Variants in FOXK2 observed in about 807,000 individuals in gnomAD.
FOXK2 encodes forkhead box protein K2.
In FOXK2, 24 loss-of-function variants were observed where a neutral mutation model predicts 53.3. The ratio of observed to expected loss-of-function variants is 0.45; its 90% CI spans 0.33 to 0.63. The LOEUF is 0.63. FOXK2 is among the 30% of genes least tolerant of loss of function. The pLI is 0.03. For missense variants in FOXK2, 952 were observed against 910.5 expected (o/e 1.05, Z -0.59); for synonymous variants, 505 against 407.1 (o/e 1.24, Z -2.89).
intron 1 of FOXK2, among the ~76,000 whole-genome samples, chr17:82,550,143 A>G (rs1198827558): frequency 6.6e-6 from 1 of 152,088 alleles, no homozygotes; most frequent in Non-Finnish European, 1.5e-5. Flanking sequence ...GTGAGCCATG[A>G]TTGTGCCACT....
intron 1 of FOXK2, among the ~76,000 whole-genome samples, chr17:82,542,694 G>T (rs1053642303): frequency 5.3e-5 from 8 of 152,076 alleles, no homozygotes; most frequent in Non-Finnish European, 1.0e-4. Flanking sequence ...GCAGAGTGCG[G>T]CCAAAGCAGT....
At chr17:82,525,129 C>T (rs1455854505) in intron 1 of FOXK2, among the ~76,000 whole-genome samples, 1 of 151,970 alleles carries the variant, frequency 6.6e-6, no homozygotes, top group Non-Finnish European at 1.5e-5. Flanking sequence ...ATGCCCGCCA[C>T]CATGCCCGGC....
Position 82,587,238 on chromosome 17 carries a change from A to G in FOXK2, c.1752A>G (p.Ser584=), listed in dbSNP as rs2045193854. 1 of 1,613,000 alleles carries G rather than the reference A, an allele frequency of 6.2e-7. No individual in the cohort carries two copies. The highest frequency in any genetic ancestry group is 1.3e-5 in the African/African-American group (1 of 74,950). The change falls in exon 8 of 9, where the codon TCA becomes TCG. Residue 584 remains serine, a synonymous_variant. Coordinates refer to ENST00000335255, the MANE Select transcript of FOXK2 (RefSeq NM_004514.4). ...CACAAAACGGCACTCACGTGGCATC[A>G]GTCCCCACTGCGGTCCACGGCCAGG... is the stretch of plus-strand genomic sequence containing the variant. ...TVTQNGTHVA[S]VPTAVHGQVN...
Position 82,602,902 on chromosome 17 carries a change from T to A in FOXK2, c.*1403T>A, listed in dbSNP as rs923270907. The A allele has an allele frequency of 6.6e-6, 1 of 152,470 alleles. No homozygotes were observed. Among genetic ancestry groups the A allele is most frequent in the Non-Finnish European group, 1.5e-5 (1 of 68,036 alleles). 9.4% of individuals were successfully genotyped at this position (152,470 alleles called of 1,614,324 possible). ...CATAACATTATTTATTTAAATGTAG[T>A]TATTTTGGTATTTAATTTTTTTTTA... is the stretch of plus-strand genomic sequence containing the variant. On this transcript the variant is annotated 3_prime_UTR_variant, in exon 9 of 9. Transcript: ENST00000335255.
At chr17:82,529,665 C>T (rs2044454351) in intron 1 of FOXK2, among the ~76,000 whole-genome samples, 4 of 152,176 alleles carry the variant, frequency 2.6e-5, no homozygotes, top group Admixed American at 1.3e-4. Context: ...GGATTACAGG[C>T]GTGAGCCATG....
At chr17:82,557,506 G>A (rs2044743212) in intron 1 of FOXK2, among the ~76,000 whole-genome samples, 1 of 151,868 alleles carries the variant, frequency 6.6e-6, no homozygotes, top group East Asian at 1.9e-4. Flanking sequence ...ACCATGCCTG[G>A]CTGATTTTTG....
intron 8 of FOXK2, chr17:82,593,301 C>G (rs2045274030): frequency 6.8e-6 from 1 of 147,968 alleles, no homozygotes; most frequent in Non-Finnish European, 1.5e-5. Flanking sequence ...TCTCCCTGTA[C>G]CGGGCACAGG....
intron 6 of FOXK2, among the ~76,000 whole-genome samples, chr17:82,584,646 A>G (rs2045111631): frequency 6.7e-6 from 1 of 148,864 alleles, no homozygotes; most frequent in South Asian, 2.1e-4. Flanking sequence ...AGGTTCAAAG[A>G]ATTCTCCTGC....
In FOXK2 at chr17:82,519,966, G is replaced by A. The variant is rs1218300842; in HGVS notation, c.78G>A (p.Gly26=). The change falls in exon 1 of 9, where the codon GGG becomes GGA. Residue 26 remains glycine, a synonymous_variant. Transcript: ENST00000335255. ...GCGGGGCCGGGGGCGGCGGGGCCGG[G>A]GGCGGCGGGTCCCCGCCGGGCGGCT... is the stretch of plus-strand genomic sequence containing the variant. ...AGGGAGGGGA[G]GGGSPPGGWA... 2 of 1,150,014 alleles carry A rather than the reference G, an allele frequency of 1.7e-6. No homozygotes were observed. The highest frequency in any genetic ancestry group is 6.4e-5 in the South Asian group (2 of 31,382). The allele number at this position is 1,150,014 out of a possible 1,614,324, so 71.2% of individuals were successfully genotyped here.
chr17:82,525,996 A>C (rs62078088), intron 1 of FOXK2, among the ~76,000 whole-genome samples: 53 of 10,124 alleles, frequency 5.2e-3, no homozygotes, highest in African/African-American at 0.016. Context: ...CTTATGTGGC[A>C]TGAATCCCTC....
intron 4 of FOXK2, among the ~76,000 whole-genome samples, chr17:82,580,958 A>G (rs1326785136): frequency 2.0e-5 from 3 of 152,206 alleles, no homozygotes; most frequent in African/African-American, 7.2e-5. Context: ...CTCCATCCAC[A>G]GGGCCCAGAG....
intron 1 of FOXK2, among the ~76,000 whole-genome samples, chr17:82,535,736 T>G (rs919491335): frequency 1.3e-5 from 2 of 148,384 alleles, no homozygotes; most frequent in African/African-American, 5.0e-5. Flanking sequence ...TCTCTTTTAG[T>G]TGTGTGTTTT....
At chr17:82,524,864 A>G (rs773601132) in intron 1 of FOXK2, among the ~76,000 whole-genome samples, 2 of 152,120 alleles carry the variant, frequency 1.3e-5, no homozygotes, top group African/African-American at 4.8e-5. Flanking sequence ...AGAACCTGCA[A>G]TTCAGGCTGG....
chr17:82,519,825 C>T lies in FOXK2; in HGVS notation c.-64C>T. Reference sequence around the variant, plus strand: ...GCGCGGCGGCCGACGACCCGCGCGGCCTGGGCCTCGGCCCGCGCCACCGGC... The same window carrying T: ...GCGCGGCGGCCGACGACCCGCGCGGTCTGGGCCTCGGCCCGCGCCACCGGC... On this transcript the variant is annotated 5_prime_UTR_variant, in exon 1 of 9. Coordinates refer to ENST00000335255, the MANE Select transcript of FOXK2 (RefSeq NM_004514.4). 1.6e-6 allele frequency: 1 copy of T among 623,548 alleles called. No homozygotes were observed. Among genetic ancestry groups the T allele is most frequent in the Non-Finnish European group, 2.0e-6 (1 of 503,048 alleles). The allele number at this position is 623,548 out of a possible 1,614,324, so 38.6% of individuals were successfully genotyped here.
intron 1 of FOXK2, among the ~76,000 whole-genome samples, chr17:82,543,182 A>ACT (rs1391114788): frequency 7.9e-6 from 1 of 127,134 alleles, no homozygotes; most frequent in Admixed American, 7.9e-5. Flanking sequence ...CTAAATCCAC[A>ACT]ACTATTTTTA....
At chr17:82,560,813 C>T (rs1280611498) in intron 1 of FOXK2, among the ~76,000 whole-genome samples, 2 of 152,108 alleles carry the variant, frequency 1.3e-5, no homozygotes, top group East Asian at 1.9e-4. Flanking sequence ...GCCTGGGAAA[C>T]AGCCTGGCAT....
At chr17:82,537,696 C>T (rs1026528321) in intron 1 of FOXK2, among the ~76,000 whole-genome samples, 5 of 147,512 alleles carry the variant, frequency 3.4e-5, no homozygotes, top group East Asian at 2.0e-4. Context: ...GAGGCCGAGG[C>T]GGGCAGGTCA....
intron 8 of FOXK2, among the ~76,000 whole-genome samples, chr17:82,598,680 A>G (rs554225469): frequency 1.3e-5 from 2 of 152,358 alleles, no homozygotes; most frequent in African/African-American, 4.8e-5. Flanking sequence ...AGTGAGGGCA[A>G]AGCCTTCATG....
At chr17:82,573,601 A>AC (rs2044948405) in intron 4 of FOXK2, among the ~76,000 whole-genome samples, 2 of 122,520 alleles carry the variant, frequency 1.6e-5, no homozygotes, top group Non-Finnish European at 3.6e-5. Flanking sequence ...CACACACACA[A>AC]CCAGATAATA....
Sources: gnomAD v4.1 joint callset for allele counts (sites outside exome capture counted in the v4.1 genomes callset) on GRCh38, gnomAD v4.1.1 for gene constraint, MANE v1.5 for transcripts, NCBI Gene and HGNC (gene_info 2026-07-23, HGNC 2026-07-21) for gene names.